Variants in GAREM1 observed in about 807,000 individuals in gnomAD.
The protein encoded by GAREM1 is GRB2 associated regulator of MAPK1 subtype 1.
In GAREM1, 26 loss-of-function variants were observed where a neutral mutation model predicts 71.3. The observed-to-expected ratio is 0.36, with a 90% CI of 0.27 to 0.51. GAREM1 has a LOEUF of 0.51. Ranked by LOEUF, GAREM1 falls within the 20% of genes least tolerant of loss-of-function variation. The pLI is 0.95. For missense variants in GAREM1, 1,026 were observed against 1,103.1 expected (o/e 0.93, Z 0.99); for synonymous variants, 440 against 433.2 (o/e 1.02, Z -0.20).
intron 1 of GAREM1, among the ~76,000 whole-genome samples, chr18:32,460,298 A>C (rs934326084): frequency 6.6e-6 from 1 of 152,200 alleles, no homozygotes; most frequent in Non-Finnish European, 1.5e-5. Flanking sequence ...TTTACTGTAT[A>C]TGTTAAATAT....
chr18:32,347,934 A>G (rs2047711930), intron 2 of GAREM1, among the ~76,000 whole-genome samples: 1 of 152,198 alleles, frequency 6.6e-6, no homozygotes, highest in South Asian at 2.1e-4. Flanking sequence ...TGAAGAGTTC[A>G]AAAATGGGAA....
rs1263013663 is a variant in GAREM1, at chr18:32,364,013, TATATATATATATA to T, written c.262+28869_262+28881del. 5.4e-3 allele frequency among the ~76,000 whole-genome samples: 367 copies of T among 67,880 alleles called. 5 individuals carry two copies. Among genetic ancestry groups the T allele is most frequent in the African/African-American group, 8.9e-3 (126 of 14,132 alleles). The allele number at this position is 67,880 out of a possible 152,430, so 44.5% of individuals were successfully genotyped here. A position where few individuals can be genotyped will look rare whatever the true frequency, so the allele number is the denominator to read the frequency against. Reference sequence around the variant, plus strand: ...ATATATACATATATATATATATATATATATATATATATATGTTTTTTTTTTTTTTTTTTTTTTG... The same window carrying T: ...ATATATACATATATATATATATATATTGTTTTTTTTTTTTTTTTTTTTTTG... On this transcript the variant is annotated intron_variant, in intron 2 of 5. Transcript: ENST00000269209.
At chr18:32,405,868 G>A (rs2048360616) in intron 1 of GAREM1, among the ~76,000 whole-genome samples, 2 of 152,316 alleles carry the variant, frequency 1.3e-5, no homozygotes, top group South Asian at 4.1e-4. Context: ...ACCACACACT[G>A]AGTTGTTATG....
intron 2 of GAREM1, among the ~76,000 whole-genome samples, chr18:32,371,032 T>C (rs2047973114): frequency 6.6e-6 from 1 of 151,982 alleles, no homozygotes; most frequent in Non-Finnish European, 1.5e-5. Flanking sequence ...TGTGGACATT[T>C]AGTGTCAGAA....
intron 2 of GAREM1, among the ~76,000 whole-genome samples, chr18:32,311,233 GTAGT>G (rs2047318995): frequency 6.6e-6 from 1 of 152,142 alleles, no homozygotes; most frequent in African/African-American, 2.4e-5. Flanking sequence ...GTGTTTCTTA[GTAGT>G]TATTTTCTGA....
intron 2 of GAREM1, among the ~76,000 whole-genome samples, chr18:32,388,230 A>G (rs983061436): frequency 3.3e-5 from 5 of 152,254 alleles, no homozygotes; most frequent in African/African-American, 1.2e-4. Flanking sequence ...GTCCATGCTC[A>G]TAATAGCAGG....
chr18:32,367,516 T>G (rs926948383), intron 2 of GAREM1, among the ~76,000 whole-genome samples: 2 of 152,244 alleles, frequency 1.3e-5, no homozygotes. Flanking sequence ...TATGCTCCTT[T>G]GAGAAATTTC....
chr18:32,383,851 A>T (rs2048119682), intron 2 of GAREM1, among the ~76,000 whole-genome samples: 2 of 152,064 alleles, frequency 1.3e-5, no homozygotes, highest in Admixed American at 1.3e-4. Flanking sequence ...TTCTGTTTGT[A>T]GATTCAGTAA....
intron 1 of GAREM1, among the ~76,000 whole-genome samples, chr18:32,423,915 C>T (rs1275718300): frequency 6.6e-6 from 1 of 152,140 alleles, no homozygotes; most frequent in African/African-American, 2.4e-5. Flanking sequence ...GGGAGGATCA[C>T]TTGAGCCCAA....
intron 1 of GAREM1, among the ~76,000 whole-genome samples, chr18:32,466,746 T>C (rs542504035): frequency 1.1e-3 from 161 of 152,280 alleles, no homozygotes; most frequent in African/African-American, 3.8e-3. Flanking sequence ...AACCCAGTTC[T>C]AAAGTCAACA....
chr18:32,448,050 T>C (rs903810594), intron 1 of GAREM1, among the ~76,000 whole-genome samples: 8 of 152,280 alleles, frequency 5.3e-5, no homozygotes, highest in African/African-American at 1.9e-4. Context: ...TGGACATAGA[T>C]AATAAAGAAT....
intron 2 of GAREM1, among the ~76,000 whole-genome samples, chr18:32,343,515 G>C (rs79418481): frequency 0.11 from 17,118 of 151,832 alleles, 1,926 homozygotes; most frequent in African/African-American, 0.29. Flanking sequence ...TGGCCAGACC[G>C]GTCTTGAACT....
chr18:32,404,250 C>T (rs912758331), intron 1 of GAREM1, among the ~76,000 whole-genome samples: 1 of 152,054 alleles, frequency 6.6e-6, no homozygotes, highest in Non-Finnish European at 1.5e-5. Flanking sequence ...ACAGCAAAAC[C>T]CAAATCTCTA....
chr18:32,280,053 A>G (rs1476066034), intron 4 of GAREM1, among the ~76,000 whole-genome samples: 1 of 152,136 alleles, frequency 6.6e-6, no homozygotes, highest in East Asian at 1.9e-4. Context: ...GCCCTACGAA[A>G]CCTCATTAAC....
At chr18:32,451,743 A>G (rs901510543) in intron 1 of GAREM1, among the ~76,000 whole-genome samples, 13 of 152,138 alleles carry the variant, frequency 8.5e-5, no homozygotes, top group African/African-American at 3.1e-4. Flanking sequence ...TTAAACAAAA[A>G]AAAATCTGGG....
intron 2 of GAREM1, among the ~76,000 whole-genome samples, chr18:32,375,999 A>T (rs1181405445): frequency 6.6e-6 from 1 of 152,238 alleles, no homozygotes; most frequent in Non-Finnish European, 1.5e-5. Flanking sequence ...TAAAAAAAAA[A>T]ATCCGGGCAA....
intron 1 of GAREM1, among the ~76,000 whole-genome samples, chr18:32,455,331 A>G (rs866750247): frequency 6.6e-6 from 1 of 152,198 alleles, no homozygotes; most frequent in South Asian, 2.1e-4. Context: ...AAGAATTTTT[A>G]AGTGGACAGA....
At chr18:32,413,061 G>A (rs544054877) in intron 1 of GAREM1, 213 of 1,568,466 alleles carry the variant, frequency 1.4e-4, no homozygotes, top group African/African-American at 8.0e-4. Flanking sequence ...GTCCGTGAGC[G>A]TTCCCCATTG....
At position 32,420,036 on chromosome 18, in the gene GAREM1, G is replaced by A. The variant is rs144562136; in HGVS notation, c.122-27001C>T. On this transcript the variant is annotated intron_variant, in intron 1 of 5. Coordinates refer to ENST00000269209, the MANE Select transcript of GAREM1 (RefSeq NM_001242409.2). ...CTAGGCCAAAAGAACACACTCCACA[G>A]GCTCTGGAGATAAACAGAATCTTAA... is the stretch of plus-strand genomic sequence containing the variant. Among the ~76,000 whole-genome samples the A allele has an allele frequency of 2.6e-5, 4 of 152,236 alleles. No homozygotes were observed. In the East Asian group the frequency reaches 7.7e-4, roughly 29 times the overall value.
Sources: allele counts gnomAD v4.1 joint callset (sites outside exome capture counted in the v4.1 genomes callset), GRCh38; gene constraint gnomAD v4.1.1; transcripts MANE v1.5; gene names NCBI Gene and HGNC (gene_info 2026-07-23, HGNC 2026-07-21).